The following DEK variants were observed in gnomAD, a reference collection of about 807,000 sequenced individuals.
The protein encoded by DEK is protein DEK.
A neutral mutation model predicts 46.8 loss-of-function variants in DEK; 28 were observed. The ratio of observed to expected loss-of-function variants is 0.60; its 90% CI spans 0.44 to 0.82. The LOEUF is 0.82. Ranked by LOEUF, DEK falls within the 40% of genes least tolerant of loss-of-function variation. DEK has a pLI of 0.00. For synonymous variants in DEK, 160 were observed against 144.5 expected, an observed-to-expected ratio of 1.11 and a Z score of -0.77; for missense variants, 416 against 430.6, an observed-to-expected ratio of 0.97 and a Z score of 0.30.
chr6:18,238,728 CAT>C (rs903360826), intron 7 of DEK, among the ~76,000 whole-genome samples: 2 of 151,392 alleles, frequency 1.3e-5, no homozygotes, highest in African/African-American at 4.9e-5. Context: ...TACTTTGTCT[CAT>C]GTGGAGCCTG....
rs1357463760 is a variant in DEK at position 18,241,436 on chromosome 6, C to G, written c.763-3920G>C. ...ACTCATGATTCTAAACCTAGCTTAA[C>G]AATTACCTCCTCTAAATCTTTCACA... is the stretch of plus-strand genomic sequence containing the variant. On this transcript the variant is annotated intron_variant, in intron 7 of 10. Transcript: ENST00000652689. 2.6e-5 allele frequency among the ~76,000 whole-genome samples: 4 copies of G among 152,304 alleles called. No homozygotes were observed. In the South Asian group the frequency reaches 6.2e-4, roughly 24 times the overall value.
In DEK at chr6:18,225,446, TATA is replaced by T. The variant is rs1244019797; in HGVS notation, c.*270_*272del. 10 of 401,498 alleles carry T rather than the reference TATA, an allele frequency of 2.5e-5. No homozygotes were observed. Among genetic ancestry groups the T allele is most frequent in the Non-Finnish European group, 4.5e-5 (10 of 223,930 alleles). 24.9% of individuals were successfully genotyped at this position (401,498 alleles called of 1,614,324 possible). ...ACAACAGCTCAAGAATCTATGACCTTATATAAAGAAATCCAAAATGTACAAAAT... is the reference window on the plus strand; with the variant it reads ...ACAACAGCTCAAGAATCTATGACCTTTAAAGAAATCCAAAATGTACAAAAT... On this transcript the variant is annotated 3_prime_UTR_variant, in exon 11 of 11. Coordinates refer to ENST00000652689, the MANE Select transcript of DEK (RefSeq NM_003472.4).
rs138910280 is a variant in DEK, at chr6:18,230,755, G to A, written c.1048-4513C>T. On this transcript the variant is annotated intron_variant, in intron 9 of 10. Coordinates refer to ENST00000652689, the MANE Select transcript of DEK (RefSeq NM_003472.4). The stretch of plus-strand genomic sequence containing the variant: ...AGTCCTTAGAGACCTACAAAGAGAC[G>A]TAGACTCCCACACAATAATAATGGG... Among the ~76,000 whole-genome samples, 49 of 152,158 alleles carry A rather than the reference G, an allele frequency of 3.2e-4. No homozygotes were observed. In the East Asian group the frequency reaches 7.9e-3, roughly 25 times the overall value.
intron 2 of DEK, among the ~76,000 whole-genome samples, chr6:18,259,476 A>G (rs1701739991): frequency 2.0e-5 from 3 of 150,462 alleles, no homozygotes; most frequent in African/African-American, 7.3e-5. Context: ...CAAAACATTA[A>G]GCTCCATTTA....
intron 7 of DEK, among the ~76,000 whole-genome samples, chr6:18,238,029 C>A (rs938046197): frequency 3.3e-5 from 5 of 151,690 alleles, no homozygotes; most frequent in African/African-American, 7.3e-5. Flanking sequence ...CCACCACACC[C>A]GGCTAATTTT....
intron 6 of DEK, among the ~76,000 whole-genome samples, chr6:18,250,115 T>C (rs1434608411): frequency 1.3e-5 from 2 of 152,190 alleles, no homozygotes; most frequent in African/African-American, 4.8e-5. Context: ...CAAGACACAT[T>C]ATGTTAAGCT....
intron 7 of DEK, among the ~76,000 whole-genome samples, chr6:18,247,974 C>A (rs1268918321): frequency 1.3e-5 from 2 of 152,048 alleles, no homozygotes; most frequent in Non-Finnish European, 2.9e-5. Context: ...GCCCGGCCTG[C>A]CCTCACTTTT....
At position 18,250,338 on chromosome 6, in the gene DEK, G is replaced by A. The variant is rs540235036; in HGVS notation, c.574-499C>T. On this transcript the variant is annotated intron_variant, in intron 6 of 10. Coordinates refer to ENST00000652689, the MANE Select transcript of DEK (RefSeq NM_003472.4). ...CAAAAAATTAGCCGGGCGTGGTGGC[G>A]GGCGCCTGTAGCCCCAGCTACTCGG... Among the ~76,000 whole-genome samples the A allele has an allele frequency of 4.6e-5, 7 of 152,024 alleles. 1 individual carries two copies. The South Asian group carries it at 1.2e-3, about 27-fold the overall frequency.
At chr6:18,245,977 C>G (rs1040354745) in intron 7 of DEK, among the ~76,000 whole-genome samples, 2 of 152,234 alleles carry the variant, frequency 1.3e-5, no homozygotes, top group African/African-American at 4.8e-5. Context: ...CTTGCTGCCG[C>G]GTAAGATGGG....
At chr6:18,226,042 C>T (rs935366754) in intron 10 of DEK, 132 bp downstream of exon 10, 1 of 879,394 alleles carries the variant, frequency 1.1e-6, no homozygotes, top group African/African-American at 1.8e-5. Flanking sequence ...AATAAATTTC[C>T]CTATTATGAA....
rs61626818 is a variant in DEK, at chr6:18,252,509, CAAAAAAAAAA to C, written c.574-2680_574-2671del. ...AGGCAACAGAGTAAAACGCTGTCTC[CAAAAAAAAAA>C]AAAAAAAAAAAAAAAAGAAAATAGC... On this transcript the variant is annotated intron_variant, in intron 6 of 10. Coordinates refer to ENST00000652689, the MANE Select transcript of DEK (RefSeq NM_003472.4). Among the ~76,000 whole-genome samples, 29 of 29,138 alleles carry C rather than the reference CAAAAAAAAAA, an allele frequency of 1.0e-3. 1 individual carries two copies. Among genetic ancestry groups the C allele is most frequent in the South Asian group, 4.0e-3 (2 of 504 alleles). 19.1% of individuals were successfully genotyped at this position (29,138 alleles called of 152,430 possible). A position where few individuals can be genotyped will look rare whatever the true frequency, so the allele number is the denominator to read the frequency against.
intron 7 of DEK, among the ~76,000 whole-genome samples, chr6:18,240,814 A>T (rs1311858197): frequency 2.0e-5 from 3 of 152,140 alleles, no homozygotes; most frequent in Admixed American, 6.6e-5. Flanking sequence ...TCTTTTTTTT[A>T]AAAGCAGGGC....
chr6:18,258,923 T>C (rs1217020928), intron 2 of DEK, among the ~76,000 whole-genome samples: 1 of 152,194 alleles, frequency 6.6e-6, no homozygotes, highest in Non-Finnish European at 1.5e-5. Flanking sequence ...GTGGATAGGA[T>C]AAAACTCTCC....
At chr6:18,248,563 G>A (rs904035754) in intron 7 of DEK, among the ~76,000 whole-genome samples, 1 of 151,758 alleles carries the variant, frequency 6.6e-6, no homozygotes, top group Non-Finnish European at 1.5e-5. Context: ...TACTAGATTC[G>A]TAACCCTCTT....
intron 2 of DEK, among the ~76,000 whole-genome samples, chr6:18,261,188 C>CA (rs772969837): frequency 1.5e-4 from 23 of 152,212 alleles, no homozygotes; most frequent in Non-Finnish European, 2.8e-4. Flanking sequence ...TGGGACCCCT[C>CA]ACCCCTTGCA....
rs749216019 is a variant in DEK at position 18,258,366 on chromosome 6, T to G, written c.185A>C (p.Lys62Thr). ...LIVEGKREKK[K>T]VERLTMQVSS... is the part of the protein sequence containing the mutation. ...GACTTGCATTGTCAACCTCTCTACT[T>G]TTTTCTTTTCCCTCTTGCCTTCCAC... is the stretch of plus-strand genomic sequence containing the variant. The change falls in exon 3 of 11, where the codon AAA becomes ACA. Residue 62 changes from lysine to threonine, a missense_variant. By Grantham distance (78) the Lys-to-Thr change is moderately conservative. Coordinates refer to ENST00000652689, the MANE Select transcript of DEK (RefSeq NM_003472.4). 1.2e-6 allele frequency: 2 copies of G among 1,613,464 alleles called. No homozygotes were observed. The highest frequency in any genetic ancestry group is 1.7e-6 in the Non-Finnish European group (2 of 1,179,732).
intron 9 of DEK, among the ~76,000 whole-genome samples, chr6:18,227,879 TCCAC>T (rs1790211019): frequency 6.6e-6 from 1 of 152,204 alleles, no homozygotes; most frequent in African/African-American, 2.4e-5. Context: ...TACCTATGAT[TCCAC>T]AACCTGAAAA....
intron 9 of DEK, among the ~76,000 whole-genome samples, chr6:18,231,722 A>C (rs1453060068): frequency 6.6e-6 from 1 of 152,242 alleles, no homozygotes; most frequent in East Asian, 1.9e-4. Context: ...GCAATAATTA[A>C]CAGCCTACCA....
chr6:18,228,941 T>A (rs569418262), intron 9 of DEK, among the ~76,000 whole-genome samples: 39 of 152,168 alleles, frequency 2.6e-4, no homozygotes, highest in Non-Finnish European at 5.3e-4. Context: ...ACTCCACCTC[T>A]GACAGACTGC....
Sources: gnomAD v4.1 joint callset for allele counts (sites outside exome capture counted in the v4.1 genomes callset) on GRCh38, gnomAD v4.1.1 for gene constraint, MANE v1.5 for transcripts, NCBI Gene and HGNC (gene_info 2026-07-23, HGNC 2026-07-21) for gene names.